Variants in DOCK1 observed in about 807,000 individuals in gnomAD.
DOCK1 encodes the protein dedicator of cytokinesis protein 1.
In DOCK1, 138 loss-of-function variants were observed where a neutral mutation model predicts 262.7. The observed-to-expected ratio is 0.53, with a 90% confidence interval of 0.46 to 0.61. The LOEUF (loss-of-function observed/expected upper bound fraction) is 0.61, where lower values mean the gene tolerates loss of function less well. DOCK1 is among the 20% of genes least tolerant of loss of function. The pLI, the probability that DOCK1 is intolerant of heterozygous loss-of-function variation, is 0.00. For synonymous variants in DOCK1, 866 were observed against 867.4 expected (o/e 1.00, Z 0.03); for missense variants, 1,908 against 2,370.7 (o/e 0.80, Z 4.05).
chr10:127,384,549 C>G (rs2065997839), intron 37 of DOCK1, among the ~76,000 whole-genome samples: 1 of 152,206 alleles, frequency 6.6e-6, no homozygotes, highest in Non-Finnish European at 1.5e-5. Flanking sequence ...CCGTGCTTTG[C>G]AGAACCTGCT....
intron 27 of DOCK1, among the ~76,000 whole-genome samples, chr10:127,167,389 C>G (rs562461788): frequency 6.6e-5 from 10 of 152,110 alleles, no homozygotes; most frequent in Non-Finnish European, 1.3e-4. Flanking sequence ...GAGACCAACT[C>G]TAGCATTTGT....
In DOCK1 at chr10:127,369,912, A is replaced by G. The variant is rs181606837; in HGVS notation, c.3433-3869A>G. On this transcript the variant is annotated intron_variant, in intron 33 of 51. Coordinates refer to ENST00000623213, the MANE Select transcript of DOCK1 (RefSeq NM_001290223.2). ...ACTCAAGGCTGAGTGATGGATCGGG[A>G]GGGACCAGTCACTTGTAGGATGTCA... is the stretch of plus-strand genomic sequence containing the variant. Among the ~76,000 whole-genome samples, 35 of 152,322 alleles carry G rather than the reference A, an allele frequency of 2.3e-4. 1 individual carries two copies. The East Asian group carries it at 5.6e-3, about 24-fold the overall frequency.
At chr10:127,244,353 A>T (rs1296160342) in intron 27 of DOCK1, among the ~76,000 whole-genome samples, 1 of 152,204 alleles carries the variant, frequency 6.6e-6, no homozygotes, top group Non-Finnish European at 1.5e-5. Context: ...AATGCTATGG[A>T]CATCTTTGGG....
intron 27 of DOCK1, among the ~76,000 whole-genome samples, chr10:127,164,512 G>C (rs563442730): frequency 6.6e-6 from 1 of 152,160 alleles, no homozygotes; most frequent in Non-Finnish European, 1.5e-5. Context: ...GCTCCTCTCT[G>C]TAGCCCTGTC....
At chr10:127,349,696 G>A (rs2063795071) in intron 31 of DOCK1, among the ~76,000 whole-genome samples, 1 of 152,156 alleles carries the variant, frequency 6.6e-6, no homozygotes, top group African/African-American at 2.4e-5. Flanking sequence ...CAAGGTGTGG[G>A]CAGTGTTGGT....
chr10:127,335,888 T>C (rs2063169834), intron 29 of DOCK1, among the ~76,000 whole-genome samples: 1 of 152,064 alleles, frequency 6.6e-6, no homozygotes, highest in Non-Finnish European at 1.5e-5. Context: ...CTAATTTTTT[T>C]GTATTTTTTA....
intron 29 of DOCK1, among the ~76,000 whole-genome samples, chr10:127,318,046 C>T (rs2062359439): frequency 6.6e-6 from 1 of 152,214 alleles, no homozygotes; most frequent in Admixed American, 6.5e-5. Context: ...GACTTATTTC[C>T]CTTCTTTTTT....
intron 27 of DOCK1, among the ~76,000 whole-genome samples, chr10:127,191,062 T>C (rs2056721585): frequency 2.6e-5 from 4 of 152,154 alleles, no homozygotes; most frequent in Admixed American, 2.6e-4. Flanking sequence ...CTTTGCTGAA[T>C]GTCACTTCTC....
At position 126,949,210 on chromosome 10, in the gene DOCK1, G is replaced by A. The variant is rs1277295392; in HGVS notation, c.47-21492G>A. On this transcript the variant is annotated intron_variant, in intron 1 of 51. Transcript: ENST00000623213. ...GTGTTTATTGAAGGTGACCTGGGTT[G>A]GGGGACATGGGGTTAACACACCCAG... Among the ~76,000 whole-genome samples the A allele has an allele frequency of 1.6e-4, 24 of 152,074 alleles. 1 individual carries two copies. Among genetic ancestry groups the A allele is most frequent in the Admixed American group, 1.5e-3 (23 of 15,244 alleles).
At chr10:127,199,193 C>T (rs12243141) in intron 27 of DOCK1, among the ~76,000 whole-genome samples, 22,100 of 152,032 alleles carry the variant, frequency 0.15, 1,894 homozygotes, top group African/African-American at 0.23. Flanking sequence ...AGTGGGATTT[C>T]CTAAAAGCAG....
At chr10:127,213,625 G>A (rs1589971390) in intron 27 of DOCK1, among the ~76,000 whole-genome samples, 1 of 152,222 alleles carries the variant, frequency 6.6e-6, no homozygotes, top group East Asian at 1.9e-4. Context: ...ATTTGTAGAA[G>A]AGGGATTAGG....
intron 23 of DOCK1, among the ~76,000 whole-genome samples, chr10:127,062,733 C>G (rs2045614250): frequency 1.3e-5 from 2 of 152,210 alleles, no homozygotes; most frequent in East Asian, 3.8e-4. Flanking sequence ...TCTGAATTCA[C>G]TTTATTTAAA....
At chr10:127,180,653 T>C (rs1207452104) in intron 27 of DOCK1, among the ~76,000 whole-genome samples, 18 of 152,202 alleles carry the variant, frequency 1.2e-4, no homozygotes, top group Admixed American at 1.2e-3. Flanking sequence ...AATTAATGGC[T>C]GATATGAAAA....
rs779422344 is a variant in DOCK1 at position 127,176,051 on chromosome 10, G to A, written c.2847+48287G>A. On this transcript the variant is annotated intron_variant, in intron 27 of 51. Coordinates refer to ENST00000623213, the MANE Select transcript of DOCK1 (RefSeq NM_001290223.2). The surrounding 1 kb of genome is among the most constrained non-coding windows in gnomAD (Gnocchi z 4.4). The stretch of plus-strand genomic sequence containing the variant: ...TTTTGCGGTCCAGAGGGAACGTCTG[G>A]TAACACTTCTTAAGGTCGGGCGAGG... The A allele has an allele frequency of 1.2e-6, 2 of 1,614,120 alleles. No homozygotes were observed. The highest frequency in any genetic ancestry group is 2.2e-5 in the East Asian group (1 of 44,854).
chr10:127,154,387 A>G (rs530576077), intron 27 of DOCK1, among the ~76,000 whole-genome samples: 2 of 152,366 alleles, frequency 1.3e-5, no homozygotes, highest in Admixed American at 6.5e-5. Flanking sequence ...CAAACTAAGA[A>G]TGGATTTTAC....
At chr10:126,918,539 C>T (rs1023668088) in intron 1 of DOCK1, among the ~76,000 whole-genome samples, 1 of 152,220 alleles carries the variant, frequency 6.6e-6, no homozygotes, top group South Asian at 2.1e-4. Context: ...CTGTCCTGTA[C>T]CTTGCTGGAT....
chr10:127,347,512 C>T (rs575316261), intron 31 of DOCK1, among the ~76,000 whole-genome samples: 2 of 152,090 alleles, frequency 1.3e-5, no homozygotes, highest in Non-Finnish European at 2.9e-5. Context: ...AAGGGCATGG[C>T]GCCATCTACA....
rs374542362 is a variant in DOCK1 at position 127,202,277 on chromosome 10, C to T, written c.2848-45731C>T. ...GGTGAAGGTTGCAGTGAGCCAAGAT[C>T]GCGCCATGGCATTCCAGCCTGGGTG... On this transcript the variant is annotated intron_variant, in intron 27 of 51. Coordinates refer to ENST00000623213, the MANE Select transcript of DOCK1 (RefSeq NM_001290223.2). Among the ~76,000 whole-genome samples the T allele has an allele frequency of 4.5e-4, 68 of 151,632 alleles. No homozygotes were observed. The South Asian group carries it at 0.013, about 29-fold the overall frequency.
rs1166445414 is a variant in DOCK1, at chr10:126,934,747, G to GTTTTTTTTTTT, written c.46+29198_46+29208dup. Reference sequence around the variant, plus strand: ...GTCACAGCCTATTTGGAATTTACGAGTTTTTTTTTTTTTTTTTTTTTTTTG... The same window carrying GTTTTTTTTTTT: ...GTCACAGCCTATTTGGAATTTACGAGTTTTTTTTTTTTTTTTTTTTTTTTTTTTTTTTTTTG... On this transcript the variant is annotated intron_variant, in intron 1 of 51. Coordinates refer to ENST00000623213, the MANE Select transcript of DOCK1 (RefSeq NM_001290223.2). 1.0e-3 allele frequency among the ~76,000 whole-genome samples: 110 copies of GTTTTTTTTTTT among 107,456 alleles called. 2 individuals carry two copies. Among genetic ancestry groups the GTTTTTTTTTTT allele is most frequent in the African/African-American group, 2.7e-3 (67 of 24,684 alleles). The allele number at this position is 107,456 out of a possible 152,430, so 70.5% of individuals were successfully genotyped here. A position where few individuals can be genotyped will look rare whatever the true frequency, so the allele number is the denominator to read the frequency against.
Sources: allele counts gnomAD v4.1 joint callset (sites outside exome capture counted in the v4.1 genomes callset), GRCh38; gene constraint gnomAD v4.1.1; non-coding constraint Gnocchi (gnomAD v3.1); transcripts MANE v1.5; gene names NCBI Gene and HGNC (gene_info 2026-07-23, HGNC 2026-07-21).